ZNF808: variants seen among roughly 807,000 people sequenced by gnomAD.
ZNF808 encodes zinc finger protein 808.
In ZNF808, 5 loss-of-function variants were observed where a neutral mutation model predicts 8.7. The observed-to-expected ratio is 0.58, with a 90% confidence interval of 0.30 to 1.21. The LOEUF is 1.21. Among genes scored for constraint, ZNF808 ranks in the 50% most tolerant of loss-of-function variants. The pLI, the probability that ZNF808 is intolerant of heterozygous loss-of-function variation, is 0.07. For missense variants in ZNF808, 1,103 were observed against 1,098.4 expected, an observed-to-expected ratio of 1.00 and a Z score of -0.06; for synonymous variants, 380 against 366.0, an observed-to-expected ratio of 1.04 and a Z score of -0.44.
At chr19:52,565,474 T>G (rs917995328), downstream of ZNF808, among the ~76,000 whole-genome samples, 15 of 152,004 alleles carry the variant, frequency 9.9e-5, no homozygotes, top group African/African-American at 3.6e-4. Context: ...TCACAAACTG[T>G]GGGCCTCAAG....
intron 2 of ZNF808, among the ~76,000 whole-genome samples, chr19:52,541,708 G>A (rs1050640536): frequency 3.3e-5 from 5 of 151,522 alleles, no homozygotes; most frequent in Admixed American, 3.3e-4. Flanking sequence ...AGCACAAGAT[G>A]ATTAAAATCA....
chr19:52,538,615 C>T (rs1031179045), intron 2 of ZNF808, among the ~76,000 whole-genome samples: 7 of 136,508 alleles, frequency 5.1e-5, no homozygotes, highest in African/African-American at 2.0e-4. Flanking sequence ...GCAATAAGAG[C>T]GAAACTCTGT....
At chr19:52,539,204 T>TA (rs1555764709) in intron 2 of ZNF808, among the ~76,000 whole-genome samples, 14 of 141,538 alleles carry the variant, frequency 9.9e-5, no homozygotes, top group African/African-American at 3.7e-4. Context: ...TTTTTTTTTT[T>TA]AATTTTTGAG....
intron 1 of ZNF808, among the ~76,000 whole-genome samples, chr19:52,530,116 G>A (rs553233794): frequency 1.3e-5 from 2 of 151,764 alleles, no homozygotes; most frequent in African/African-American, 2.4e-5. Flanking sequence ...GCTAGCGTGC[G>A]ATGGCATGAT....
At chr19:52,536,263 A>T (rs2059609981) in intron 2 of ZNF808, among the ~76,000 whole-genome samples, 1 of 152,064 alleles carries the variant, frequency 6.6e-6, no homozygotes, top group African/African-American at 2.4e-5. Flanking sequence ...GCTATAGGGC[A>T]GTGTATACAC....
Position 52,543,257 on chromosome 19 carries a change from C to G in ZNF808, c.-19-9C>G, listed in dbSNP as rs1345726625. 6.2e-7 allele frequency: 1 copy of G among 1,605,260 alleles called. No homozygotes were observed. Among genetic ancestry groups the G allele is most frequent in the South Asian group, 1.1e-5 (1 of 89,760 alleles). On this transcript the variant is annotated splice_polypyrimidine_tract_variant and intron_variant, in intron 2 of 4. Coordinates refer to ENST00000359798, the MANE Select transcript of ZNF808 (RefSeq NM_001039886.4). ...TCTAACATGAAGTCTTATTTTTTTTCACATACAGGATTGATTTCTAAAGAC... is the reference window on the plus strand; with the variant it reads ...TCTAACATGAAGTCTTATTTTTTTTGACATACAGGATTGATTTCTAAAGAC...
rs1161914519 is a variant in ZNF808 at position 52,553,631 on chromosome 19, G to A, written c.715G>A (p.Ala239Thr). The change falls in exon 5 of 5, where the codon GCC becomes ACC. Residue 239 changes from alanine (A) to threonine (T), a missense_variant. Physicochemically the swap from Ala to Thr is moderately conservative, Grantham distance 58. Transcript: ENST00000359798. ...TTTCCCATGTAATGAGAGTGGCAAA[G>A]CCTTTAATTGTAGCTCACTCTTAAG... ...KSFPCNESGK[A>T]FNCSSLLRKH... 1 of 1,614,052 alleles carries A rather than the reference G, an allele frequency of 6.2e-7. No homozygotes were observed. The highest frequency in any genetic ancestry group is 8.5e-7 in the Non-Finnish European group (1 of 1,180,042).
At chr19:52,559,014 A>G (rs1650202024), downstream of ZNF808, among the ~76,000 whole-genome samples, 1 of 152,186 alleles carries the variant, frequency 6.6e-6, no homozygotes, top group African/African-American at 2.4e-5. Flanking sequence ...ACCTCTGCCT[A>G]GGAAAGCCAG....
exon 4 of ZNF808, chr19:52,564,032 C>G (rs1290656733): frequency 1.8e-6 from 1 of 549,040 alleles, no homozygotes; most frequent in Non-Finnish European, 3.3e-6. Context: ...CCCCTCTCCT[C>G]CTTTGTCTGC....
At chr19:52,536,349 C>CTGG (rs2059611111) in intron 2 of ZNF808, among the ~76,000 whole-genome samples, 1 of 152,096 alleles carries the variant, frequency 6.6e-6, no homozygotes, top group African/African-American at 2.4e-5. Context: ...GTCCCCGACC[C>CTGG]GCGAGGTGGA....
chr19:52,544,837 G>T (rs1478811037), intron 3 of ZNF808, among the ~76,000 whole-genome samples: 2 of 152,128 alleles, frequency 1.3e-5, no homozygotes, highest in East Asian at 1.9e-4. Context: ...ATGTTGGATT[G>T]TAGTGGCGGC....
Position 52,551,814 on chromosome 19 carries a change from C to T in ZNF808, c.191-1293C>T, listed in dbSNP as rs531510253. ...GGTCAGGAGTTTGAGACCAGCCTGG[C>T]CAACATGGTGAAACCACATCTCTAC... On this transcript the variant is annotated intron_variant, in intron 4 of 4. Coordinates refer to ENST00000359798, the MANE Select transcript of ZNF808 (RefSeq NM_001039886.4). Among the ~76,000 whole-genome samples the T allele has an allele frequency of 1.9e-4, 29 of 151,842 alleles. No individual in the cohort carries two copies. In the East Asian group the frequency reaches 3.3e-3, roughly 17 times the overall value.
chr19:52,565,559 G>A (rs768899505), downstream of ZNF808, among the ~76,000 whole-genome samples: 8 of 152,128 alleles, frequency 5.3e-5, no homozygotes, highest in Non-Finnish European at 1.2e-4. Context: ...ACAGGTGTAG[G>A]AAAGAACCCA....
At chr19:52,551,968 G>A (rs559182579) in intron 4 of ZNF808, among the ~76,000 whole-genome samples, 33 of 152,064 alleles carry the variant, frequency 2.2e-4, no homozygotes, top group African/African-American at 7.5e-4. Flanking sequence ...ACACCATGAC[G>A]CTCCAAGTTG....
downstream of ZNF808, chr19:52,556,760 T>C (rs1395294807): frequency 1.3e-5 from 2 of 148,786 alleles, no homozygotes; most frequent in Admixed American, 6.7e-5. Context: ...CTCCGTCTAT[T>C]AAAAAAAAAA....
downstream of ZNF808, among the ~76,000 whole-genome samples, chr19:52,568,141 G>A (rs1343276933): frequency 6.6e-6 from 1 of 152,188 alleles, no homozygotes; most frequent in East Asian, 1.9e-4. Context: ...GGAGGCTGAG[G>A]CGGGCGGATC....
Position 52,553,565 on chromosome 19 carries a change from T to G in ZNF808, c.649T>G (p.Leu217Val), listed in dbSNP as rs1203190449. The G allele has an allele frequency of 1.9e-5, 30 of 1,614,080 alleles. No individual in the cohort carries two copies. The highest frequency in any genetic ancestry group is 5.5e-5 in the South Asian group (5 of 91,090). ...NYGNNPLNSS[L>V]LPQKQEVHMR... Reference sequence around the variant, plus strand: ...TGGGAATAATCCCCTGAATTCTTCATTACTCCCACAAAAACAGGAAGTACA... The same window carrying G: ...TGGGAATAATCCCCTGAATTCTTCAGTACTCCCACAAAAACAGGAAGTACA... Residue 217 changes from leucine (L) to valine (V), a missense_variant, in exon 5 of 5, where the codon TTA becomes GTA. By Grantham distance (32) the Leu-to-Val change is conservative. Transcript: ENST00000359798.
At chr19:52,544,852 C>G (rs1015307267) in intron 3 of ZNF808, among the ~76,000 whole-genome samples, 1 of 152,142 alleles carries the variant, frequency 6.6e-6, no homozygotes, top group African/African-American at 2.4e-5. Context: ...GGCGGCATCT[C>G]AGCTCACTAC....
rs566357530 is a variant in ZNF808 at position 52,550,419 on chromosome 19, G to A, written c.191-2688G>A. On this transcript the variant is annotated intron_variant, in intron 4 of 4. Coordinates refer to ENST00000359798, the MANE Select transcript of ZNF808 (RefSeq NM_001039886.4). ...CTAATTTTGTATTTTTAGTACAGAT[G>A]GGGTTTCCCCATGTTGGCTAGGCTG... 5.9e-5 allele frequency among the ~76,000 whole-genome samples: 9 copies of A among 152,042 alleles called. No homozygotes were observed. The South Asian group carries it at 1.7e-3, about 28-fold the overall frequency.
Sources: allele counts gnomAD v4.1 joint callset (sites outside exome capture counted in the v4.1 genomes callset), GRCh38; gene constraint gnomAD v4.1.1; transcripts MANE v1.5; gene names NCBI Gene and HGNC (gene_info 2026-07-23, HGNC 2026-07-21).